Variants in SLC22A24 observed in about 807,000 individuals in gnomAD.
The protein encoded by SLC22A24 is solute carrier family 22 member 24.
A neutral mutation model predicts 49.8 loss-of-function variants in SLC22A24; 53 were observed. That is an observed-to-expected ratio of 1.06 (90% CI 0.85 to 1.34). The LOEUF is 1.34. Ranked by LOEUF, SLC22A24 falls within the 40% of genes most tolerant of loss-of-function variation. SLC22A24 has a pLI of 0.00. For missense variants in SLC22A24, 786 were observed against 675.9 expected (o/e 1.16, Z -1.81); for synonymous variants, 302 against 256.4 (o/e 1.18, Z -1.70).
Position 63,080,995 on chromosome 11 carries a change from G to A in SLC22A24, c.1523C>T (p.Ala508Val), listed in dbSNP as rs2086956330. 3 of 1,552,100 alleles carry A rather than the reference G, an allele frequency of 1.9e-6. No individual in the cohort carries two copies. The highest frequency in any genetic ancestry group is 2.6e-6 in the Non-Finnish European group (3 of 1,147,262). The change falls in exon 9 of 10, where the codon GCT becomes GTT. Residue 508 changes from alanine to valine, a missense_variant. Ala to Val is a moderately conservative substitution (Grantham distance 64, BLOSUM62 0). Coordinates refer to ENST00000612278, the MANE Select transcript of SLC22A24 (RefSeq NM_001136506.2). ...WISYGVFPIL[A>V]VPVILLLPET... ...TGGAAGGAGGAGGATAACAGGGACA[G>A]CAAGGATGGGGAAGACTCCATAGGA...
chr11:63,081,658 T>C lies in SLC22A24; in HGVS notation c.1294A>G (p.Ile432Val). 1.3e-6 allele frequency: 2 copies of C among 1,549,570 alleles called. No homozygotes were observed. Among genetic ancestry groups the C allele is most frequent in the Non-Finnish European group, 1.7e-6 (2 of 1,145,072 alleles). The change falls in exon 8 of 10, where the codon ATC becomes GTC. Residue 432 changes from isoleucine (I) to valine (V), a missense_variant. Coordinates refer to ENST00000612278, the MANE Select transcript of SLC22A24 (RefSeq NM_001136506.2). Reference sequence around the variant, plus strand: ...AAAGTTGCTAAAACCACACGCAGGATCTGCATTTCTAGAGAGAACAGTGAG... The same window carrying C: ...AAAGTTGCTAAAACCACACGCAGGACCTGCATTTCTAGAGAGAACAGTGAG... ...VNTFLPQEMQ[I>V]LRVVLATLGI...
intron 8 of SLC22A24, 100 bp downstream of exon 8, chr11:63,081,458 T>G: frequency 1.2e-6 from 1 of 823,336 alleles, no homozygotes. Context: ...TTACAGTTAA[T>G]TCATCTGGCA....
chr11:63,107,506 T>C (rs1005704647), intron 4 of SLC22A24, among the ~76,000 whole-genome samples: 1 of 152,232 alleles, frequency 6.6e-6, no homozygotes, highest in Non-Finnish European at 1.5e-5. Flanking sequence ...GCATTGAATC[T>C]ATGAATTACC....
intron 7 of SLC22A24, among the ~76,000 whole-genome samples, chr11:63,082,854 G>A (rs1565321684): frequency 6.6e-6 from 1 of 152,248 alleles, no homozygotes; most frequent in Non-Finnish European, 1.5e-5. Context: ...CAGAGGCAGT[G>A]AGGGCATTGT....
At chr11:63,125,492 CT>C (rs553219466) in intron 2 of SLC22A24, among the ~76,000 whole-genome samples, 2 of 152,200 alleles carry the variant, frequency 1.3e-5, no homozygotes, top group African/African-American at 2.4e-5. Flanking sequence ...TGAACTCATC[CT>C]TTTTTATGGC....
chr11:63,116,859 T>C (rs899923561), intron 4 of SLC22A24, among the ~76,000 whole-genome samples: 2 of 152,186 alleles, frequency 1.3e-5, no homozygotes, highest in Non-Finnish European at 2.9e-5. Context: ...AACTCTTCTG[T>C]TTTGACCATC....
chr11:63,081,475 C>A (rs2086959700), intron 8 of SLC22A24, 83 bp downstream of exon 8: 1 of 941,794 alleles, frequency 1.1e-6, no homozygotes, highest in Non-Finnish European at 1.7e-6. Flanking sequence ...GGCACCTAAA[C>A]AGTGTCAGTC....
intron 4 of SLC22A24, among the ~76,000 whole-genome samples, chr11:63,108,136 C>T (rs185206272): frequency 9.8e-4 from 149 of 152,128 alleles, no homozygotes; most frequent in Admixed American, 5.2e-4. Flanking sequence ...GAGAGTTTTT[C>T]GCATGCAGGG....
chr11:63,138,661 AAAAAAAAAG>A (rs2087392889), intron 1 of SLC22A24, among the ~76,000 whole-genome samples: 2 of 151,332 alleles, frequency 1.3e-5, no homozygotes, highest in Non-Finnish European at 3.0e-5. Flanking sequence ...AAAAAAAAAA[AAAAAAAAAG>A]AAATTGGCTT....
intron 4 of SLC22A24, among the ~76,000 whole-genome samples, chr11:63,108,478 T>G (rs573832730): frequency 6.6e-6 from 1 of 152,326 alleles, no homozygotes. Flanking sequence ...CCTCTCTTTC[T>G]GTTTTTTATA....
At chr11:63,080,110 C>T (rs892144630) in intron 9 of SLC22A24, 110 bp from the exon 10 acceptor site, 1 of 658,790 alleles carries the variant, frequency 1.5e-6, no homozygotes, top group East Asian at 2.7e-5. Flanking sequence ...CCTCTACCCA[C>T]CAGCATTGTA....
intron 5 of SLC22A24, among the ~76,000 whole-genome samples, chr11:63,101,993 G>C (rs927723407): frequency 6.6e-6 from 1 of 152,056 alleles, no homozygotes; most frequent in Non-Finnish European, 1.5e-5. Flanking sequence ...CGAAAATATA[G>C]TTAGATAAAT....
At position 63,134,764 on chromosome 11, in the gene SLC22A24, T is replaced by C; in HGVS notation, c.407A>G (p.Asp136Gly). Residue 136 changes from aspartate to glycine, a missense_variant, in exon 2 of 10, where the codon GAC becomes GGC. Transcript: ENST00000612278. ...SFLSTIVTEW[D>G]LVCESQSLKS... ...TAGTGACTGAGATTCACATACCAGG[T>C]CCCACTGGAAGAGAAAGAAAGCAGT... The C allele has an allele frequency of 6.4e-7, 1 of 1,571,442 alleles. No homozygotes were observed. The highest frequency in any genetic ancestry group is 2.3e-5 in the East Asian group (1 of 43,040).
chr11:63,082,846 G>C (rs1381339902), intron 7 of SLC22A24, among the ~76,000 whole-genome samples: 1 of 152,258 alleles, frequency 6.6e-6, no homozygotes, highest in Non-Finnish European at 1.5e-5. Flanking sequence ...GTCCTAGACA[G>C]AGGCAGTGAG....
chr11:63,135,387 C>G (rs192275767), intron 1 of SLC22A24, among the ~76,000 whole-genome samples: 113 of 152,320 alleles, frequency 7.4e-4, no homozygotes, highest in African/African-American at 2.5e-3. Flanking sequence ...GAGAATCACT[C>G]AAAACTGGGG....
chr11:63,104,453 G>C (rs965423870), intron 4 of SLC22A24, among the ~76,000 whole-genome samples, 155 bp from the exon 5 acceptor site: 1 of 152,094 alleles, frequency 6.6e-6, no homozygotes, highest in Non-Finnish European at 1.5e-5. Context: ...TGGACTCCTA[G>C]GGTGAAGGAT....
At chr11:63,088,350 A>G (rs1340825363) in intron 6 of SLC22A24, among the ~76,000 whole-genome samples, 1 of 143,626 alleles carries the variant, frequency 7.0e-6, no homozygotes, top group African/African-American at 2.7e-5. Context: ...TGTTAGAAGG[A>G]AAAGTAACAA....
chr11:63,129,435 C>T (rs1467517745), intron 2 of SLC22A24, among the ~76,000 whole-genome samples: 2 of 152,102 alleles, frequency 1.3e-5, no homozygotes, highest in Admixed American at 6.5e-5. Context: ...GATCTTTTTG[C>T]TTAGGGTTGT....
intron 2 of SLC22A24, among the ~76,000 whole-genome samples, chr11:63,123,455 G>A (rs555404870): frequency 2.6e-5 from 4 of 151,998 alleles, no homozygotes; most frequent in Non-Finnish European, 4.4e-5. Context: ...ATAATTATAT[G>A]CTAATAAATT....
Sources: allele counts gnomAD v4.1 joint callset (sites outside exome capture counted in the v4.1 genomes callset), GRCh38; gene constraint gnomAD v4.1.1; transcripts MANE v1.5; gene names NCBI Gene and HGNC (gene_info 2026-07-23, HGNC 2026-07-21).